Variants in DAB1 observed in about 807,000 individuals in gnomAD.
The protein encoded by DAB1 is DAB adaptor protein 1, also known as disabled homolog 1.
A neutral mutation model predicts 64.6 loss-of-function variants in DAB1; 15 were observed. The ratio of observed to expected loss-of-function variants is 0.23; its 90% CI spans 0.16 to 0.36. DAB1 has a LOEUF of 0.36. Ranked by LOEUF, DAB1 falls within the 10% of genes least tolerant of loss-of-function variation. DAB1 has a pLI of 1.00. For missense variants in DAB1, 596 were observed against 706.7 expected (o/e 0.84, Z 1.78); for synonymous variants, 235 against 251.9 (o/e 0.93, Z 0.64).
intron 3 of DAB1, among the ~76,000 whole-genome samples, chr1:58,471,073 G>A (rs577431502): frequency 7.2e-5 from 11 of 152,272 alleles, no homozygotes; most frequent in African/African-American, 2.6e-4. Context: ...GTGCAAGTAA[G>A]AGAATACCCA....
Position 57,207,446 on chromosome 1 carries a change from C to CTTTTTTTTTTTTTTTTTTTT in DAB1, c.68-62018_68-62017insAAAAAAAAAAAAAAAAAAAA, listed in dbSNP as rs772989513. On this transcript the variant is annotated intron_variant, in intron 2 of 14. Transcript: ENST00000371236. ...CTGTAATTCATACCTTATTTCCTTT[C>CTTTTTTTTTTTTTTTTTTTT]TTTTTTTTTTTTTTTGAGATGGAGT... Among the ~76,000 whole-genome samples, 656 of 98,328 alleles carry CTTTTTTTTTTTTTTTTTTTT rather than the reference C, an allele frequency of 6.7e-3. 96 individuals carry two copies. Among genetic ancestry groups the CTTTTTTTTTTTTTTTTTTTT allele is most frequent in the Non-Finnish European group, 0.011 (513 of 46,354 alleles). 64.5% of individuals were successfully genotyped at this position (98,328 alleles called of 152,430 possible).
intron 3 of DAB1, among the ~76,000 whole-genome samples, chr1:58,470,665 T>C (rs1464330699): frequency 6.6e-6 from 1 of 152,196 alleles, no homozygotes; most frequent in Non-Finnish European, 1.5e-5. Flanking sequence ...TTTGGGCCCA[T>C]GCGGTTCTAT....
intron 2 of DAB1, among the ~76,000 whole-genome samples, chr1:57,272,702 T>C (rs1393859383): frequency 6.6e-6 from 1 of 152,204 alleles, no homozygotes; most frequent in East Asian, 1.9e-4. Flanking sequence ...TACTGGGCTC[T>C]GAAGAATACC....
intron 1 of DAB1, among the ~76,000 whole-genome samples, chr1:57,402,122 G>C (rs1192145841): frequency 1.3e-5 from 2 of 152,196 alleles, no homozygotes. Context: ...CGGTACAGTA[G>C]ATGTTAGAAC....
chr1:57,018,129 A>G (rs1342706121), intron 11 of DAB1, among the ~76,000 whole-genome samples: 1 of 152,188 alleles, frequency 6.6e-6, no homozygotes, highest in African/African-American at 2.4e-5. Context: ...TTATCTTTGC[A>G]TTTGATTTTA....
intron 7 of DAB1, among the ~76,000 whole-genome samples, chr1:57,623,886 C>G (rs1558551199): frequency 6.6e-6 from 1 of 152,194 alleles, no homozygotes; most frequent in Non-Finnish European, 1.5e-5. Context: ...GCTTCCTTCA[C>G]AGATCTGTTG....
chr1:57,360,494 T>C (rs989079348), intron 1 of DAB1, among the ~76,000 whole-genome samples: 20 of 152,130 alleles, frequency 1.3e-4, no homozygotes, highest in African/African-American at 4.8e-4. Flanking sequence ...TCACTGTGCA[T>C]CATGTTTAAT....
At chr1:57,522,195 G>A (rs1644536030) in intron 7 of DAB1, among the ~76,000 whole-genome samples, 1 of 152,128 alleles carries the variant, frequency 6.6e-6, no homozygotes, top group Non-Finnish European at 1.5e-5. Flanking sequence ...GCAAGGATGA[G>A]GTCTCAGGCT....
intron 3 of DAB1, among the ~76,000 whole-genome samples, chr1:58,474,661 G>A (rs938179042): frequency 1.3e-5 from 2 of 152,190 alleles, no homozygotes; most frequent in African/African-American, 2.4e-5. Context: ...TGAGATCATG[G>A]AAAGTTTCAG....
intron 6 of DAB1, among the ~76,000 whole-genome samples, chr1:57,819,651 T>C (rs1349730271): frequency 6.6e-6 from 1 of 152,166 alleles, no homozygotes; most frequent in African/African-American, 2.4e-5. Flanking sequence ...AATTCTAAGA[T>C]AAAGATGAAA....
chr1:57,531,522 C>T (rs1351032613), intron 7 of DAB1, among the ~76,000 whole-genome samples: 8 of 152,106 alleles, frequency 5.3e-5, no homozygotes, highest in Non-Finnish European at 1.0e-4. Flanking sequence ...CCAAAAGAAG[C>T]TCTAGGTGAA....
chr1:57,687,599 C>CAAAAAAAAAAAAAAAA (rs57316234), intron 6 of DAB1, among the ~76,000 whole-genome samples: 129 of 82,342 alleles, frequency 1.6e-3, no homozygotes, highest in Admixed American at 2.0e-3. Context: ...TCTTAAGAAA[C>CAAAAAAAAAAAAAAAA]AAAAAAAAAA....
At chr1:58,377,790 C>T (rs1371688291) in intron 3 of DAB1, among the ~76,000 whole-genome samples, 1 of 138,970 alleles carries the variant, frequency 7.2e-6, no homozygotes, top group East Asian at 2.0e-4. Context: ...AACTTGGTTC[C>T]ATTCTCCGCA....
chr1:58,487,637 G>T (rs561195017), intron 3 of DAB1, among the ~76,000 whole-genome samples: 12 of 152,054 alleles, frequency 7.9e-5, no homozygotes, highest in Non-Finnish European at 1.5e-4. Context: ...GACTCTATGG[G>T]TTCTAATAGT....
At chr1:58,258,197 G>T (rs1406417803) in intron 4 of DAB1, among the ~76,000 whole-genome samples, 2 of 152,110 alleles carry the variant, frequency 1.3e-5, no homozygotes, top group Non-Finnish European at 2.9e-5. Context: ...AGGAGCAGCT[G>T]TGTCTGTCAG....
chr1:58,358,984 G>A (rs1001704508), intron 3 of DAB1, among the ~76,000 whole-genome samples: 2 of 62,160 alleles, frequency 3.2e-5, no homozygotes, highest in East Asian at 6.2e-4. Flanking sequence ...ACACTCAAAG[G>A]ATGCTGGGAT....
intron 3 of DAB1, among the ~76,000 whole-genome samples, chr1:58,453,217 T>G (rs542698636): frequency 6.8e-4 from 101 of 149,626 alleles, no homozygotes; most frequent in African/African-American, 2.4e-3. Context: ...CACCGGGGGG[T>G]AGAGGTGGGG....
chr1:57,546,012 T>C (rs2101462681), intron 7 of DAB1, among the ~76,000 whole-genome samples: 1 of 152,102 alleles, frequency 6.6e-6, no homozygotes, highest in African/African-American at 2.4e-5. Flanking sequence ...CCAGGAGTGC[T>C]GTGGATGCTT....
At chr1:58,170,070 C>G (rs1341549134) in intron 4 of DAB1, among the ~76,000 whole-genome samples, 1 of 152,100 alleles carries the variant, frequency 6.6e-6, no homozygotes, top group Non-Finnish European at 1.5e-5. Flanking sequence ...TAGCTGCAGC[C>G]CGAGAGTTTG....
Sources: gnomAD v4.1 joint callset for allele counts (sites outside exome capture counted in the v4.1 genomes callset) on GRCh38, gnomAD v4.1.1 for gene constraint, MANE v1.5 for transcripts, NCBI Gene and HGNC (gene_info 2026-07-23, HGNC 2026-07-21) for gene names.